The following SPNS3 variants were observed in gnomAD, a reference collection of about 807,000 sequenced individuals.
The protein encoded by SPNS3 is SPNS lysolipid transporter 3, sphingosine-1-phosphate (putative).
SPNS3 carries 51 observed loss-of-function variants against 54.4 expected under a neutral mutation model. That is an observed-to-expected ratio of 0.94 (90% CI 0.75 to 1.18). The LOEUF (loss-of-function observed/expected upper bound fraction) is 1.18. Ranked by LOEUF, SPNS3 falls within the 50% of genes most tolerant of loss-of-function variation. The pLI, the probability that SPNS3 is intolerant of heterozygous loss-of-function variation, is 0.00. For synonymous variants in SPNS3, 309 were observed against 294.7 expected (o/e 1.05, Z -0.50); for missense variants, 669 against 677.4 (o/e 0.99, Z 0.14).
intron 7 of SPNS3, 112 bp from the exon 8 acceptor site, chr17:4,452,904 C>T: frequency 9.8e-7 from 1 of 1,022,374 alleles, no homozygotes; most frequent in Non-Finnish European, 1.4e-6. Context: ...TCCCTGTAGA[C>T]ACCAGATCAT....
At chr17:4,469,600 C>T (rs1567570564) in intron 8 of SPNS3, among the ~76,000 whole-genome samples, 2 of 124,562 alleles carry the variant, frequency 1.6e-5, no homozygotes, top group African/African-American at 3.3e-5. Context: ...GCCTGGGCGA[C>T]AGAGCGAGAG....
chr17:4,459,105 C>T (rs1971424829), intron 8 of SPNS3, among the ~76,000 whole-genome samples: 1 of 152,182 alleles, frequency 6.6e-6, no homozygotes, highest in Non-Finnish European at 1.5e-5. Flanking sequence ...CACCGTCTCT[C>T]CATGGATTCC....
intron 7 of SPNS3, among the ~76,000 whole-genome samples, chr17:4,452,689 T>C (rs1397379001): frequency 1.4e-5 from 2 of 145,096 alleles, no homozygotes; most frequent in Non-Finnish European, 3.0e-5. Context: ...TTTTGGGGGG[T>C]GAAAGGGTAA....
chr17:4,452,898 T>C (rs1237306502), intron 7 of SPNS3, 118 bp from the exon 8 acceptor site: 2 of 964,976 alleles, frequency 2.1e-6, no homozygotes, highest in African/African-American at 3.2e-5. Flanking sequence ...CCATATTCCC[T>C]GTAGACACCA....
Position 4,488,084 on chromosome 17 carries a change from A to G in SPNS3, c.*190A>G. 1 of 608,428 alleles carries G rather than the reference A, an allele frequency of 1.6e-6. No individual in the cohort carries two copies. Among genetic ancestry groups the G allele is most frequent in the Non-Finnish European group, 2.9e-6 (1 of 344,686 alleles). 37.7% of individuals were successfully genotyped at this position (608,428 alleles called of 1,614,324 possible). A position where few individuals can be genotyped will look rare whatever the true frequency, so the allele number is the denominator to read the frequency against. ...TGGAGCTGTCAGCACTCTGCGTGGG[A>G]GGCCTGGGCCTGTGCCTGCATCCCG... On this transcript the variant is annotated 3_prime_UTR_variant, in exon 12 of 12. Coordinates refer to ENST00000355530, the MANE Select transcript of SPNS3 (RefSeq NM_182538.5).
In SPNS3 at chr17:4,486,577, G is replaced by C. The variant is rs747001855; in HGVS notation, c.1444G>C (p.Val482Leu). Residue 482 changes from valine (V) to leucine (L), a missense_variant, in exon 11 of 12, where the codon GTC becomes CTC. Coordinates refer to ENST00000355530, the MANE Select transcript of SPNS3 (RefSeq NM_182538.5). The surrounding 1 kb of genome is among the most constrained non-coding windows in gnomAD (Gnocchi z 5.5). ...ERDETRAWQP[V>L]TGTPDSNDVD... ...AGACGAGACCCGGGCCTGGCAGCCT[G>C]TCACAGGTACCCTACCCATTGCACC... 3 of 1,611,770 alleles carry C rather than the reference G, an allele frequency of 1.9e-6. No individual in the cohort carries two copies. Among genetic ancestry groups the C allele is most frequent in the Non-Finnish European group, 2.5e-6 (3 of 1,179,104 alleles).
intron 9 of SPNS3, among the ~76,000 whole-genome samples, chr17:4,479,294 C>G (rs561968080): frequency 1.4e-4 from 22 of 152,244 alleles, no homozygotes; most frequent in Non-Finnish European, 1.8e-4. Context: ...GTTCCTTGGC[C>G]TCTACTCTGG....
At chr17:4,437,382 G>A (rs78313623) in intron 1 of SPNS3, among the ~76,000 whole-genome samples, 8,360 of 152,090 alleles carry the variant, frequency 0.055, 291 homozygotes, top group Middle Eastern at 0.078. Context: ...TCTTTCCAAT[G>A]ACTGTCTTCT....
rs544260205 is a variant in SPNS3, at chr17:4,478,964, CAG to C, written c.1179+330_1179+331del. Among the ~76,000 whole-genome samples the C allele has an allele frequency of 1.2e-3, 186 of 152,180 alleles. 3 individuals are homozygous for C. The highest frequency in any genetic ancestry group is 0.011 in the Admixed American group (172 of 15,270). On this transcript the variant is annotated intron_variant, in intron 9 of 11. Coordinates refer to ENST00000355530, the MANE Select transcript of SPNS3 (RefSeq NM_182538.5). ...TCCCTCCCTCTTTTCTTTTTTGAGA[CAG>C]AGTTTCACTCTTGTTGCCCAGGCTG... is the stretch of plus-strand genomic sequence containing the variant.
chr17:4,447,694 G>A (rs1053894838), intron 5 of SPNS3, among the ~76,000 whole-genome samples: 2 of 152,174 alleles, frequency 1.3e-5, no homozygotes, highest in Non-Finnish European at 1.5e-5. Context: ...CTGCCCCAAG[G>A]TGGGTAGTGA....
intron 9 of SPNS3, among the ~76,000 whole-genome samples, chr17:4,481,345 AG>A (rs1239121007): frequency 1.3e-5 from 2 of 151,958 alleles, no homozygotes; most frequent in Non-Finnish European, 2.9e-5. Flanking sequence ...CAGGAAGTAG[AG>A]GAAGGTCCCC....
chr17:4,464,638 G>A (rs72819692), intron 8 of SPNS3, among the ~76,000 whole-genome samples: 208 of 152,108 alleles, frequency 1.4e-3, no homozygotes, highest in Non-Finnish European at 2.7e-3. Flanking sequence ...TTTACCTCTC[G>A]GCTTCATTAA....
At chr17:4,445,405 C>T (rs1030477725) in intron 3 of SPNS3, among the ~76,000 whole-genome samples, 19 of 147,958 alleles carry the variant, frequency 1.3e-4, no homozygotes, top group East Asian at 4.0e-4. Flanking sequence ...GACAGAATTT[C>T]GCTCTTGTTG....
chr17:4,436,973 C>T (rs1363126948), intron 1 of SPNS3, among the ~76,000 whole-genome samples: 1 of 152,208 alleles, frequency 6.6e-6, no homozygotes, highest in East Asian at 1.9e-4. Flanking sequence ...CCCTGGAGGT[C>T]CCTGGCTGGG....
Position 4,472,774 on chromosome 17 carries a change from C to CATTTTTTTTTTTTTT in SPNS3, c.1114-5798_1114-5797insATTTTTTTTTTTTTT, listed in dbSNP as rs1567572187. On this transcript the variant is annotated intron_variant, in intron 8 of 11. Transcript: ENST00000355530. ...ATTGTCTGCTCTTTTGCTTGGCAGC[C>CATTTTTTTTTTTTTT]TTTTTTTTTTTTTTTTTTTTTTTTT... Among the ~76,000 whole-genome samples, 24 of 50,972 alleles carry CATTTTTTTTTTTTTT rather than the reference C, an allele frequency of 4.7e-4. 1 individual carries two copies. The highest frequency in any genetic ancestry group is 2.0e-3 in the African/African-American group (22 of 11,266). The allele number at this position is 50,972 out of a possible 152,430, so 33.4% of individuals were successfully genotyped here.
In SPNS3 at chr17:4,486,620, G is replaced by A. The variant is rs953490251; in HGVS notation, c.1450+37G>A. ...ATTGCACCAGGCCCGGCTCAGGGCCGGCACCCTAGGGACAGACAGCACTGG... is the reference window on the plus strand; with the variant it reads ...ATTGCACCAGGCCCGGCTCAGGGCCAGCACCCTAGGGACAGACAGCACTGG... On this transcript the variant is annotated intron_variant, in intron 11 of 11. Transcript: ENST00000355530. This position sits in a 1 kb window ranked among gnomAD's most constrained non-coding sequence, Gnocchi z 5.5. 2.3e-5 allele frequency: 37 copies of A among 1,580,826 alleles called. No individual in the cohort carries two copies. The highest frequency in any genetic ancestry group is 5.4e-5 in the Admixed American group (3 of 55,666).
intron 2 of SPNS3, among the ~76,000 whole-genome samples, chr17:4,441,174 T>C (rs534279686): frequency 8.1e-4 from 124 of 152,288 alleles, no homozygotes; most frequent in Non-Finnish European, 1.2e-3. Context: ...ATAAGAACAT[T>C]TTAATGTTAG....
chr17:4,440,920 G>A (rs545647004), intron 2 of SPNS3, among the ~76,000 whole-genome samples: 2 of 152,262 alleles, frequency 1.3e-5, no homozygotes, highest in Admixed American at 1.3e-4. Context: ...CGGTCTCAGG[G>A]ATGCATGTCA....
chr17:4,442,690 C>T (rs79020684), intron 2 of SPNS3, among the ~76,000 whole-genome samples: 16,198 of 152,114 alleles, frequency 0.11, 1,025 homozygotes, highest in African/African-American at 0.18. Context: ...ATGTCAGGCA[C>T]GATTCTAAGT....
Sources: gnomAD v4.1 joint callset for allele counts (sites outside exome capture counted in the v4.1 genomes callset) on GRCh38, gnomAD v4.1.1 for gene constraint, Gnocchi (gnomAD v3.1) non-coding constraint, MANE v1.5 for transcripts, NCBI Gene and HGNC (gene_info 2026-07-23, HGNC 2026-07-21) for gene names.